Variants in LAMA2 observed in about 807,000 individuals in gnomAD.
The protein encoded by LAMA2 is laminin subunit alpha-2.
A neutral mutation model predicts 364.8 loss-of-function variants in LAMA2; 269 were observed. The ratio of observed to expected loss-of-function variants is 0.74; its 90% CI spans 0.67 to 0.82. The LOEUF is 0.82. Ranked by LOEUF, LAMA2 falls within the 40% of genes least tolerant of loss-of-function variation. LAMA2 has a pLI of 0.00. For missense variants in LAMA2, 3,807 were observed against 3,873.2 expected (o/e 0.98, Z 0.45); for synonymous variants, 1,379 against 1,370.6 (o/e 1.01, Z -0.14).
At chr6:129,016,637 C>T (rs533469390) in intron 1 of LAMA2, among the ~76,000 whole-genome samples, 1 of 151,978 alleles carries the variant, frequency 6.6e-6, no homozygotes, top group South Asian at 2.1e-4. Flanking sequence ...TGCAATTCAA[C>T]TTTCATGCTA....
At chr6:129,025,196 A>G (rs1785725208) in intron 1 of LAMA2, among the ~76,000 whole-genome samples, 1 of 152,208 alleles carries the variant, frequency 6.6e-6, no homozygotes, top group South Asian at 2.1e-4. Context: ...TAAAAAATCA[A>G]ATGAACTCTG....
chr6:129,156,857 G>A (rs1420893513), intron 8 of LAMA2, among the ~76,000 whole-genome samples: 1 of 152,086 alleles, frequency 6.6e-6, no homozygotes, highest in Non-Finnish European at 1.5e-5. Flanking sequence ...TGGCTTGTAT[G>A]AGATTGGCGA....
intron 1 of LAMA2, among the ~76,000 whole-genome samples, chr6:128,964,984 A>G (rs1400808759): frequency 6.6e-6 from 1 of 152,022 alleles, no homozygotes; most frequent in Non-Finnish European, 1.5e-5. Context: ...ACATAAAAGT[A>G]CAGAATACAT....
At chr6:129,104,399 T>C (rs1455198370) in intron 4 of LAMA2, among the ~76,000 whole-genome samples, 3 of 152,220 alleles carry the variant, frequency 2.0e-5, no homozygotes, top group Non-Finnish European at 4.4e-5. Context: ...ATGTTCATGT[T>C]TTAGGCTTAG....
chr6:128,943,269 C>CACACAGAGAGAGAGAGAGAGAGAGAG (rs1365657711), intron 1 of LAMA2, among the ~76,000 whole-genome samples: 2 of 143,082 alleles, frequency 1.4e-5, no homozygotes, highest in African/African-American at 5.2e-5. Flanking sequence ...TATATATACA[C>CACACAGAGAGAGAGAGAGAGAGAGAG]AGAGAGAGAG....
chr6:129,327,893 G>T (rs1270773180), intron 28 of LAMA2, among the ~76,000 whole-genome samples: 1 of 151,998 alleles, frequency 6.6e-6, no homozygotes, highest in Admixed American at 6.6e-5. Flanking sequence ...TTGGACATTT[G>T]CTAGTTATCC....
chr6:129,266,511 G>T (rs1446410112), intron 15 of LAMA2, among the ~76,000 whole-genome samples: 1 of 152,134 alleles, frequency 6.6e-6, no homozygotes, highest in African/African-American at 2.4e-5. Flanking sequence ...AAGCATAATA[G>T]GATGGAGGAA....
intron 8 of LAMA2, 81 bp from the exon 9 acceptor site, chr6:129,165,495 T>C (rs1243499137): frequency 7.2e-6 from 6 of 834,322 alleles, no homozygotes; most frequent in Non-Finnish European, 1.2e-5. Flanking sequence ...TAAAACTACT[T>C]TGTCTATAAA....
Position 129,016,401 on chromosome 6 carries a change from A to G in LAMA2, c.113-33517A>G, listed in dbSNP as rs143806266. On this transcript the variant is annotated intron_variant, in intron 1 of 64. Transcript: ENST00000421865. ...ATTCAAGAATGCTCATAACAGCACTATTAATAATATCTAAAGCTGGAAATA... is the reference window on the plus strand; with the variant it reads ...ATTCAAGAATGCTCATAACAGCACTGTTAATAATATCTAAAGCTGGAAATA... Among the ~76,000 whole-genome samples the G allele has an allele frequency of 4.6e-5, 7 of 152,206 alleles. No homozygotes were observed. The East Asian group carries it at 1.4e-3, about 29-fold the overall frequency.
intron 35 of LAMA2, among the ~76,000 whole-genome samples, chr6:129,389,832 T>TCC (rs2114668717): frequency 6.6e-6 from 1 of 152,222 alleles, no homozygotes; most frequent in Non-Finnish European, 1.5e-5. Flanking sequence ...GGAGGTTTGC[T>TCC]CCCATGATTC....
At chr6:128,982,240 C>G (rs9492174) in intron 1 of LAMA2, among the ~76,000 whole-genome samples, 3,599 of 152,264 alleles carry the variant, frequency 0.024, 127 homozygotes, top group African/African-American at 0.083. Flanking sequence ...TTCTATCCTA[C>G]TTTTCTGCCT....
chr6:129,357,440 T>C (rs570993753), intron 32 of LAMA2, among the ~76,000 whole-genome samples: 2 of 152,196 alleles, frequency 1.3e-5, no homozygotes, highest in South Asian at 4.1e-4. Flanking sequence ...TTTTAATCAC[T>C]GCATAGTGGG....
chr6:129,413,664 A>C (rs1296616907), intron 40 of LAMA2, among the ~76,000 whole-genome samples: 1 of 152,208 alleles, frequency 6.6e-6, no homozygotes, highest in Non-Finnish European at 1.5e-5. Flanking sequence ...ACTTCAAAGT[A>C]ATCCATGGCT....
chr6:129,311,253 C>G (rs374183918), intron 22 of LAMA2, among the ~76,000 whole-genome samples: 33 of 152,164 alleles, frequency 2.2e-4, no homozygotes, highest in African/African-American at 7.9e-4. Flanking sequence ...TCAGGAGTAG[C>G]TGGGACTACA....
At chr6:128,931,971 A>G (rs1229688924) in intron 1 of LAMA2, among the ~76,000 whole-genome samples, 2 of 152,152 alleles carry the variant, frequency 1.3e-5, no homozygotes, top group East Asian at 3.9e-4. Context: ...AAAAGCACCA[A>G]TCCTTCTTTG....
At chr6:129,394,488 G>C (rs911028261) in intron 37 of LAMA2, among the ~76,000 whole-genome samples, 3 of 152,162 alleles carry the variant, frequency 2.0e-5, no homozygotes, top group Non-Finnish European at 1.5e-5. Flanking sequence ...CATTCTGGTA[G>C]AATATTGAAG....
chr6:129,291,842 A>G, intron 20 of LAMA2, 122 bp downstream of exon 20: 1 of 741,192 alleles, frequency 1.3e-6, no homozygotes, highest in Non-Finnish European at 2.4e-6. Context: ...TAATTCTACA[A>G]TTGAAATGAC....
At chr6:129,143,739 T>C (rs1161737893) in intron 4 of LAMA2, among the ~76,000 whole-genome samples, 162 bp from the exon 5 acceptor site, 2 of 152,010 alleles carry the variant, frequency 1.3e-5, no homozygotes, top group African/African-American at 4.8e-5. Context: ...CTATAACATA[T>C]ATCAGTTACT....
chr6:129,294,227 A>C (rs539805553), intron 20 of LAMA2, among the ~76,000 whole-genome samples: 1 of 152,328 alleles, frequency 6.6e-6, no homozygotes, highest in South Asian at 2.1e-4. Context: ...CCACTAAAGG[A>C]ATCCTGAATT....
Sources: allele counts gnomAD v4.1 joint callset (sites outside exome capture counted in the v4.1 genomes callset), GRCh38; gene constraint gnomAD v4.1.1; transcripts MANE v1.5; gene names NCBI Gene and HGNC (gene_info 2026-07-23, HGNC 2026-07-21).